SGCZ: variants seen among roughly 807,000 people sequenced by gnomAD.
The protein encoded by SGCZ is sarcoglycan zeta.
A neutral mutation model predicts 41.3 loss-of-function variants in SGCZ; 40 were observed. The ratio of observed to expected loss-of-function variants is 0.97; its 90% confidence interval spans 0.75 to 1.26. The LOEUF (loss-of-function observed/expected upper bound fraction) is 1.26, where lower values mean the gene tolerates loss of function less well. Among genes scored for constraint, SGCZ ranks in the 50% most tolerant of loss-of-function variants. The pLI, the probability that SGCZ is intolerant of heterozygous loss-of-function variation, is 0.00. For synonymous variants in SGCZ, 206 were observed against 137.5 expected, an observed-to-expected ratio of 1.50 and a Z score of -3.49; for missense variants, 552 against 369.8, an observed-to-expected ratio of 1.49 and a Z score of -4.04.
intron 1 of SGCZ, among the ~76,000 whole-genome samples, chr8:15,033,554 A>T (rs1402699109): frequency 1.3e-5 from 2 of 152,098 alleles, no homozygotes; most frequent in Non-Finnish European, 2.9e-5. Context: ...GAAGTTCCAG[A>T]CAAGCTCCTG....
chr8:15,174,737 G>A (rs1323013344), intron 1 of SGCZ, among the ~76,000 whole-genome samples: 2 of 152,184 alleles, frequency 1.3e-5, no homozygotes, highest in East Asian at 3.9e-4. Flanking sequence ...ATTGTTGCCA[G>A]TGTAATAGTA....
rs892085784 is a variant in SGCZ, at chr8:14,628,962, G to A, written c.40-74036C>T. ...TTGTGATTCACCCCATTTCTGAGTC[G>A]TAATCAATTCCAAACTTATTTTCAC... On this transcript the variant is annotated intron_variant, in intron 1 of 7. Coordinates refer to ENST00000382080, the MANE Select transcript of SGCZ (RefSeq NM_139167.4). Among the ~76,000 whole-genome samples, 15 of 152,110 alleles carry A rather than the reference G, an allele frequency of 9.9e-5. 1 individual carries two copies. Among genetic ancestry groups the A allele is most frequent in the African/African-American group, 3.1e-4 (13 of 41,434 alleles).
intron 1 of SGCZ, among the ~76,000 whole-genome samples, chr8:14,761,541 T>TTA (rs1055422660): frequency 6.1e-5 from 9 of 146,690 alleles, no homozygotes; most frequent in African/African-American, 1.8e-4. Flanking sequence ...ATTTATTTAT[T>TTA]TTTTTTTTGA....
intron 1 of SGCZ, among the ~76,000 whole-genome samples, chr8:14,649,173 G>A (rs138880712): frequency 6.6e-6 from 1 of 152,266 alleles, no homozygotes; most frequent in African/African-American, 2.4e-5. Flanking sequence ...GAACTGAGAA[G>A]GAAAAGCATC....
chr8:14,543,163 T>C (rs1409536871), intron 2 of SGCZ, among the ~76,000 whole-genome samples: 1 of 152,026 alleles, frequency 6.6e-6, no homozygotes, highest in African/African-American at 2.4e-5. Context: ...TTGTTCTAAG[T>C]ATGATTAAAA....
intron 1 of SGCZ, among the ~76,000 whole-genome samples, chr8:14,665,062 G>A (rs1389568146): frequency 1.3e-5 from 2 of 152,204 alleles, no homozygotes; most frequent in East Asian, 1.9e-4. Flanking sequence ...TATGCACAAC[G>A]TGCAGGTTTG....
intron 2 of SGCZ, among the ~76,000 whole-genome samples, chr8:14,549,332 C>G (rs1048935802): frequency 6.6e-6 from 1 of 152,004 alleles, no homozygotes; most frequent in South Asian, 2.1e-4. Flanking sequence ...TCAGGGGAAG[C>G]TAGCCACCCT....
In SGCZ at chr8:14,285,946, A is replaced by G. The variant is rs112085426; in HGVS notation, c.336+38157T>C. Among the ~76,000 whole-genome samples the G allele has an allele frequency of 3.3e-5, 5 of 152,244 alleles. No homozygotes were observed. The East Asian group carries it at 7.7e-4, about 23-fold the overall frequency. On this transcript the variant is annotated intron_variant, in intron 3 of 7. Transcript: ENST00000382080. Reference sequence around the variant, plus strand: ...ATACAACATTCGCTGTAGGAAACACATATGTTTTTGGTTTTGTATAATAAT... The same window carrying G: ...ATACAACATTCGCTGTAGGAAACACGTATGTTTTTGGTTTTGTATAATAAT...
At chr8:14,520,949 C>T (rs1403627946) in intron 2 of SGCZ, among the ~76,000 whole-genome samples, 1 of 152,090 alleles carries the variant, frequency 6.6e-6, no homozygotes, top group African/African-American at 2.4e-5. Flanking sequence ...AATAGTAAAA[C>T]ATAGAATCAA....
rs185134108 is a variant in SGCZ, at chr8:14,366,469, C to T, written c.235-42265G>A. On this transcript the variant is annotated intron_variant, in intron 2 of 7. Coordinates refer to ENST00000382080, the MANE Select transcript of SGCZ (RefSeq NM_139167.4). ...TTCCAACCAGGTCTCTTTCTAAACA[C>T]CTGTGGGTTACAATTCAAGAAAAAA... Among the ~76,000 whole-genome samples the T allele has an allele frequency of 6.2e-4, 95 of 152,238 alleles. 1 individual carries two copies. The highest frequency in any genetic ancestry group is 2.1e-3 in the African/African-American group (89 of 41,550).
rs1465621320 is a variant in SGCZ, at chr8:14,145,905, G to C, written c.547+18675C>G. ...ATTTGAAAATACACAGTCAGAGGAGGCAAAAGAATAAAAAACAATATATTG... is the reference window on the plus strand; with the variant it reads ...ATTTGAAAATACACAGTCAGAGGAGCCAAAAGAATAAAAAACAATATATTG... On this transcript the variant is annotated intron_variant, in intron 5 of 7. Coordinates refer to ENST00000382080, the MANE Select transcript of SGCZ (RefSeq NM_139167.4). Among the ~76,000 whole-genome samples, 3 of 152,042 alleles carry C rather than the reference G, an allele frequency of 2.0e-5. 1 individual carries two copies. Among genetic ancestry groups the C allele is most frequent in the Non-Finnish European group, 4.4e-5 (3 of 68,000 alleles).
At chr8:14,147,560 T>C (rs913641543) in intron 5 of SGCZ, among the ~76,000 whole-genome samples, 2 of 152,048 alleles carry the variant, frequency 1.3e-5, no homozygotes, top group Non-Finnish European at 2.9e-5. Context: ...CATCCAAATA[T>C]ATAGAGGAAA....
intron 1 of SGCZ, among the ~76,000 whole-genome samples, chr8:15,103,083 C>T (rs865984137): frequency 3.9e-5 from 6 of 151,918 alleles, no homozygotes; most frequent in East Asian, 1.9e-4. Context: ...AAGGAGAGAT[C>T]GAAGAGTCCA....
chr8:14,913,444 A>C (rs1179010580), intron 1 of SGCZ, among the ~76,000 whole-genome samples: 1 of 152,072 alleles, frequency 6.6e-6, no homozygotes, highest in Non-Finnish European at 1.5e-5. Context: ...CATAAGAGCT[A>C]TGAGATGTTT....
Position 15,137,203 on chromosome 8 carries a change from T to G in SGCZ, c.39+100382A>C, listed in dbSNP as rs185973013. Reference sequence around the variant, plus strand: ...AAAGAGACTGGTGGCATTATGCCCCTGCCCTAGATATCTATAAACTTTGAA... The same window carrying G: ...AAAGAGACTGGTGGCATTATGCCCCGGCCCTAGATATCTATAAACTTTGAA... On this transcript the variant is annotated intron_variant, in intron 1 of 7. Transcript: ENST00000382080. Among the ~76,000 whole-genome samples, 982 of 152,292 alleles carry G rather than the reference T, an allele frequency of 6.4e-3. 35 individuals are homozygous for G. The East Asian group carries it at 0.11, about 17-fold the overall frequency.
chr8:14,910,659 A>C (rs1799257126), intron 1 of SGCZ, among the ~76,000 whole-genome samples: 1 of 151,962 alleles, frequency 6.6e-6, no homozygotes, highest in Non-Finnish European at 1.5e-5. Flanking sequence ...AAACATCGGT[A>C]AAGTAAAAAT....
intron 1 of SGCZ, among the ~76,000 whole-genome samples, chr8:14,681,423 T>A (rs1045899633): frequency 6.6e-6 from 1 of 152,194 alleles, no homozygotes; most frequent in East Asian, 1.9e-4. Flanking sequence ...TTTAGAAATA[T>A]AATGTAAACC....
At chr8:14,453,912 G>C (rs975190244) in intron 2 of SGCZ, among the ~76,000 whole-genome samples, 6 of 152,036 alleles carry the variant, frequency 3.9e-5, no homozygotes, top group Admixed American at 3.3e-4. Flanking sequence ...GACATTCTGA[G>C]TGTCAAAATG....
chr8:14,591,392 G>C (rs942669942), intron 1 of SGCZ, among the ~76,000 whole-genome samples: 2 of 151,872 alleles, frequency 1.3e-5, no homozygotes, highest in Non-Finnish European at 1.5e-5. Context: ...ACATCATAAT[G>C]CTCATTTCTA....
Sources: allele counts gnomAD v4.1 joint callset (sites outside exome capture counted in the v4.1 genomes callset), GRCh38; gene constraint gnomAD v4.1.1; transcripts MANE v1.5; gene names NCBI Gene and HGNC (gene_info 2026-07-23, HGNC 2026-07-21).